PTPRK: variants seen among roughly 807,000 people sequenced by gnomAD.
The protein encoded by PTPRK is protein tyrosine phosphatase receptor type K, also known as receptor-type tyrosine-protein phosphatase kappa.
A neutral mutation model predicts 178.0 loss-of-function variants in PTPRK; 75 were observed. The observed-to-expected ratio is 0.42, with a 90% CI of 0.35 to 0.51. PTPRK has a LOEUF of 0.51. Ranked by LOEUF, PTPRK falls within the 20% of genes least tolerant of loss-of-function variation. The pLI, the probability that PTPRK is intolerant of heterozygous loss-of-function variation, is 0.02. For synonymous variants in PTPRK, 637 were observed against 620.6 expected (o/e 1.03, Z -0.39); for missense variants, 1,441 against 1,797.8 (o/e 0.80, Z 3.59).
At chr6:128,097,262 T>C (rs1788070188) in intron 7 of PTPRK, among the ~76,000 whole-genome samples, 1 of 152,132 alleles carries the variant, frequency 6.6e-6, no homozygotes, top group East Asian at 1.9e-4. Flanking sequence ...AGAGGGTGGA[T>C]GGCTCACTCA....
chr6:128,149,314 TAAAGA>T (rs1337056187), intron 7 of PTPRK, among the ~76,000 whole-genome samples: 2 of 151,610 alleles, frequency 1.3e-5, no homozygotes, highest in Admixed American at 1.3e-4. Context: ...ATAATAATAA[TAAAGA>T]AAATATGGCA....
At chr6:128,231,807 T>G (rs749688370) in intron 5 of PTPRK, among the ~76,000 whole-genome samples, 9 of 152,186 alleles carry the variant, frequency 5.9e-5, no homozygotes, top group Non-Finnish European at 1.0e-4. Flanking sequence ...ACAAACTCAT[T>G]GACTGTCTTT....
chr6:128,244,282 TAAATTTCG>T (rs1320454446), intron 3 of PTPRK, among the ~76,000 whole-genome samples: 2 of 152,172 alleles, frequency 1.3e-5, no homozygotes. Context: ...AATAAAGGTA[TAAATTTCG>T]AAGTTATCTG....
intron 10 of PTPRK, among the ~76,000 whole-genome samples, chr6:128,079,461 G>A (rs1413482314): frequency 1.3e-5 from 2 of 151,970 alleles, no homozygotes; most frequent in Non-Finnish European, 2.9e-5. Flanking sequence ...GGACATCTTA[G>A]CTTTTGTTCA....
intron 1 of PTPRK, among the ~76,000 whole-genome samples, chr6:128,514,860 T>C (rs1406300230): frequency 1.3e-5 from 2 of 152,162 alleles, no homozygotes; most frequent in South Asian, 4.1e-4. Flanking sequence ...GTTTTAAAAT[T>C]ACATACACTT....
At chr6:128,377,157 T>C (rs1837215190) in intron 2 of PTPRK, among the ~76,000 whole-genome samples, 1 of 152,168 alleles carries the variant, frequency 6.6e-6, no homozygotes, top group Non-Finnish European at 1.5e-5. Context: ...TTTACTGTAT[T>C]AGTCCATTTT....
chr6:128,050,037 G>T (rs1166126084), intron 13 of PTPRK, among the ~76,000 whole-genome samples: 2 of 152,124 alleles, frequency 1.3e-5, no homozygotes, highest in African/African-American at 4.8e-5. Flanking sequence ...TTCAGAGGCC[G>T]AGGCAGGAGA....
chr6:128,329,011 GA>G (rs1049367438), intron 2 of PTPRK, among the ~76,000 whole-genome samples: 3 of 151,920 alleles, frequency 2.0e-5, no homozygotes, highest in African/African-American at 7.2e-5. Flanking sequence ...AAATGAAAGA[GA>G]AAAAAGGAAA....
chr6:128,028,370 G>C (rs1447592155), intron 13 of PTPRK, among the ~76,000 whole-genome samples: 1 of 152,192 alleles, frequency 6.6e-6, no homozygotes, highest in Admixed American at 6.5e-5. Context: ...GGAAGAGAAA[G>C]TGCTTTAGCA....
At chr6:127,978,364 T>C (rs898269440) in intron 25 of PTPRK, among the ~76,000 whole-genome samples, 3 of 151,958 alleles carry the variant, frequency 2.0e-5, no homozygotes, top group Admixed American at 1.3e-4. Flanking sequence ...AGTGAGTGAG[T>C]TCTCATGACA....
At chr6:128,233,721 C>G (rs780841497) in intron 5 of PTPRK, among the ~76,000 whole-genome samples, 1 of 152,152 alleles carries the variant, frequency 6.6e-6, no homozygotes, top group African/African-American at 2.4e-5. Context: ...CCAGCACCTG[C>G]GGCGATTACT....
At chr6:128,040,960 T>C (rs1228487974) in intron 13 of PTPRK, among the ~76,000 whole-genome samples, 1 of 152,062 alleles carries the variant, frequency 6.6e-6, no homozygotes, top group Non-Finnish European at 1.5e-5. Context: ...AATCTAGAAC[T>C]ATGCTGATGT....
intron 1 of PTPRK, among the ~76,000 whole-genome samples, chr6:128,442,903 A>T (rs1846465217): frequency 1.3e-5 from 2 of 152,208 alleles, no homozygotes; most frequent in Admixed American, 6.5e-5. Flanking sequence ...CTTAATGACT[A>T]ATTGAGAAGA....
chr6:128,322,266 T>G lies in PTPRK; in HGVS notation c.268A>C (p.Lys90Gln), dbSNP rs1828903115. Residue 90 changes from lysine to glutamine, a missense_variant, in exon 3 of 30, where the codon AAA (lysine) becomes CAA (glutamine). By Grantham distance (53) the Lys-to-Gln change is moderately conservative (BLOSUM62 1). Coordinates refer to ENST00000368226, the MANE Select transcript of PTPRK (RefSeq NM_002844.4). ...ATTGTAGGCAGCTGAAGTCTGGCTTTTTCTCCAGGGTCGTGATCTGAAGAG... is the reference window on the plus strand; with the variant it reads ...ATTGTAGGCAGCTGAAGTCTGGCTTGTTCTCCAGGGTCGTGATCTGAAGAG... ...VDSSDHDPGE[K>Q]ARLQLPTMKE... 1.2e-6 allele frequency: 2 copies of G among 1,608,260 alleles called. No homozygotes were observed. The highest frequency in any genetic ancestry group is 1.7e-6 in the Non-Finnish European group (2 of 1,174,728).
At chr6:128,307,532 T>C (rs72967053) in intron 3 of PTPRK, among the ~76,000 whole-genome samples, 12,066 of 148,618 alleles carry the variant, frequency 0.081, 565 homozygotes, top group African/African-American at 0.12. Flanking sequence ...TATAAGAAAC[T>C]GAAAAAATAA....
chr6:128,254,334 G>A (rs1250494729), intron 3 of PTPRK, among the ~76,000 whole-genome samples: 1 of 151,922 alleles, frequency 6.6e-6, no homozygotes, highest in Non-Finnish European at 1.5e-5. Flanking sequence ...TATGATGTTA[G>A]TGCTTTTAGC....
chr6:128,082,353 T>A, intron 10 of PTPRK, 84 bp downstream of exon 10: 3 of 1,271,644 alleles, frequency 2.4e-6, no homozygotes, highest in Non-Finnish European at 3.4e-6. Flanking sequence ...TGAACTACAC[T>A]TGGTTTATAT....
chr6:128,319,359 C>A (rs1828478765), intron 3 of PTPRK, among the ~76,000 whole-genome samples: 1 of 152,116 alleles, frequency 6.6e-6, no homozygotes, highest in Admixed American at 6.6e-5. Context: ...GAGCAAACAT[C>A]TGATTTACAT....
intron 3 of PTPRK, among the ~76,000 whole-genome samples, chr6:128,315,824 T>C (rs78880163): frequency 6.6e-6 from 1 of 152,188 alleles, no homozygotes; most frequent in Non-Finnish European, 1.5e-5. Flanking sequence ...AAAAAACGTA[T>C]TCGTTTTTGT....
Sources: allele counts gnomAD v4.1 joint callset (sites outside exome capture counted in the v4.1 genomes callset), GRCh38; gene constraint gnomAD v4.1.1; transcripts MANE v1.5; gene names NCBI Gene and HGNC (gene_info 2026-07-23, HGNC 2026-07-21).